ADGRL2: variants seen among roughly 807,000 people sequenced by gnomAD.
The protein encoded by ADGRL2 is adhesion G protein-coupled receptor L2.
In ADGRL2, 44 loss-of-function variants were observed where a neutral mutation model predicts 157.4. That is an observed-to-expected ratio of 0.28 (90% CI 0.22 to 0.36). ADGRL2 has a LOEUF of 0.36. ADGRL2 is among the 10% of genes least tolerant of loss of function. The pLI is 1.00. For missense variants in ADGRL2, 1,510 were observed against 1,768.9 expected (o/e 0.85, Z 2.63); for synonymous variants, 585 against 624.7 (o/e 0.94, Z 0.95).
chr1:81,956,990 A>T (rs1653707764), intron 11 of ADGRL2, among the ~76,000 whole-genome samples: 1 of 152,188 alleles, frequency 6.6e-6, no homozygotes, highest in South Asian at 2.1e-4. Flanking sequence ...AGAAATGGAC[A>T]TAAATCAAAT....
intron 1 of ADGRL2, among the ~76,000 whole-genome samples, chr1:81,822,783 A>G (rs2091115689): frequency 6.6e-6 from 1 of 152,132 alleles, no homozygotes; most frequent in South Asian, 2.1e-4. Context: ...GTTTTTGTAG[A>G]TACTATTAAA....
intron 2 of ADGRL2, among the ~76,000 whole-genome samples, chr1:81,472,020 G>A (rs968482000): frequency 3.3e-5 from 5 of 152,044 alleles, no homozygotes; most frequent in Non-Finnish European, 7.4e-5. Flanking sequence ...ACTTTTTCCT[G>A]AACATACCAA....
At chr1:81,857,193 T>G (rs1273695995) in intron 2 of ADGRL2, among the ~76,000 whole-genome samples, 3 of 152,170 alleles carry the variant, frequency 2.0e-5, no homozygotes, top group Non-Finnish European at 4.4e-5. Context: ...AATGAAGTGA[T>G]GAGATTGATT....
At chr1:81,860,265 CTATATTT>C (rs1230586337) in intron 2 of ADGRL2, among the ~76,000 whole-genome samples, 1 of 151,978 alleles carries the variant, frequency 6.6e-6, no homozygotes, top group East Asian at 1.9e-4. Flanking sequence ...GACTGGTATT[CTATATTT>C]TAAAGACTAA....
chr1:81,329,769 A>G (rs747272172), intron 1 of ADGRL2, among the ~76,000 whole-genome samples: 12 of 152,200 alleles, frequency 7.9e-5, no homozygotes, highest in Non-Finnish European at 1.6e-4. Flanking sequence ...GGTTTCAGCA[A>G]CTGTTATTTC....
At chr1:81,426,599 T>C (rs905901251) in intron 1 of ADGRL2, 18 of 476,620 alleles carry the variant, frequency 3.8e-5, no homozygotes, top group African/African-American at 2.8e-4. Flanking sequence ...AAACGACAGA[T>C]GATAGTTTAA....
At chr1:81,412,748 A>G (rs895279124) in intron 1 of ADGRL2, among the ~76,000 whole-genome samples, 1 of 152,232 alleles carries the variant, frequency 6.6e-6, no homozygotes, top group East Asian at 1.9e-4. Context: ...GTATAGATTT[A>G]TTGATGGATG....
chr1:81,747,283 G>A (rs1426631083), intron 1 of ADGRL2, among the ~76,000 whole-genome samples: 1 of 147,822 alleles, frequency 6.8e-6, no homozygotes, highest in African/African-American at 2.5e-5. Flanking sequence ...ATATACATGT[G>A]CATACATGTG....
intron 2 of ADGRL2, among the ~76,000 whole-genome samples, chr1:81,465,985 A>T (rs1463683232): frequency 1.3e-5 from 2 of 152,368 alleles, no homozygotes; most frequent in African/African-American, 2.4e-5. Context: ...AAGACCAAGT[A>T]ACCAATATTT....
At chr1:81,800,919 C>T (rs945575530), upstream of ADGRL2, among the ~76,000 whole-genome samples, 3 of 149,096 alleles carry the variant, frequency 2.0e-5, no homozygotes, top group Non-Finnish European at 3.0e-5. Flanking sequence ...AGGCCGCCTC[C>T]GGGGCGCGTT....
intron 1 of ADGRL2, among the ~76,000 whole-genome samples, chr1:81,355,443 A>T (rs1035078813): frequency 1.3e-5 from 2 of 152,194 alleles, no homozygotes; most frequent in African/African-American, 4.8e-5. Context: ...ACATATACAG[A>T]TATATATGTG....
intron 1 of ADGRL2, among the ~76,000 whole-genome samples, chr1:81,428,683 G>A (rs2077264785): frequency 6.6e-6 from 1 of 152,138 alleles, no homozygotes; most frequent in African/African-American, 2.4e-5. Context: ...GGCAAAGTTT[G>A]TCTGGACTCT....
intron 1 of ADGRL2, among the ~76,000 whole-genome samples, chr1:81,715,363 C>T (rs1199528716): frequency 6.6e-6 from 1 of 151,788 alleles, no homozygotes; most frequent in Non-Finnish European, 1.5e-5. Context: ...TAGCTTTGAA[C>T]AAACATTTTA....
At chr1:81,616,679 C>CTTTTTTTTTTTTTTTT (rs1164087131) in intron 3 of ADGRL2, among the ~76,000 whole-genome samples, 8 of 105,964 alleles carry the variant, frequency 7.5e-5, no homozygotes, top group Admixed American at 2.3e-4. Flanking sequence ...CTTTTCTTTT[C>CTTTTTTTTTTTTTTTT]TTTTTTTTTT....
intron 2 of ADGRL2, among the ~76,000 whole-genome samples, chr1:81,575,985 C>G (rs891297926): frequency 1.3e-5 from 2 of 152,132 alleles, no homozygotes; most frequent in Non-Finnish European, 2.9e-5. Context: ...ATCTCAACCC[C>G]TTTCCCTTCA....
intron 3 of ADGRL2, among the ~76,000 whole-genome samples, chr1:81,632,529 C>A (rs904279490): frequency 1.3e-5 from 2 of 151,962 alleles, no homozygotes; most frequent in African/African-American, 2.4e-5. Context: ...GAGGCCGAGG[C>A]GGGCAGATCA....
chr1:81,782,036 T>C (rs2086834602), intron 2 of ADGRL2, among the ~76,000 whole-genome samples: 1 of 152,142 alleles, frequency 6.6e-6, no homozygotes, highest in African/African-American at 2.4e-5. Context: ...TTCCCGTATT[T>C]TTGCAGGTTT....
At chr1:81,333,799 A>T (rs1161957781) in intron 1 of ADGRL2, among the ~76,000 whole-genome samples, 4 of 151,872 alleles carry the variant, frequency 2.6e-5, no homozygotes, top group Non-Finnish European at 4.4e-5. Flanking sequence ...TTCCAAATGT[A>T]ATGGAAAGTT....
intron 3 of ADGRL2, among the ~76,000 whole-genome samples, chr1:81,932,611 T>A (rs764129453): frequency 6.6e-6 from 1 of 152,210 alleles, no homozygotes; most frequent in Non-Finnish European, 1.5e-5. Context: ...CCTGCAACAC[T>A]TGTTAAATCT....
Sources: gnomAD v4.1 joint callset for allele counts (sites outside exome capture counted in the v4.1 genomes callset) on GRCh38, gnomAD v4.1.1 for gene constraint, MANE v1.5 for transcripts, NCBI Gene and HGNC (gene_info 2026-07-23, HGNC 2026-07-21) for gene names.